EPHB1: variants seen among roughly 807,000 people sequenced by gnomAD.
EPHB1 encodes the protein EPH receptor B1.
Under a neutral mutation model 94.4 loss-of-function variants are expected in EPHB1, and 30 were observed. The observed-to-expected ratio is 0.32, with a 90% confidence interval of 0.24 to 0.43. The LOEUF (loss-of-function observed/expected upper bound fraction) is 0.43. Ranked by LOEUF, EPHB1 falls within the 20% of genes least tolerant of loss-of-function variation. The probability of loss-of-function intolerance (pLI) is 1.00; values close to 1 mark genes in which losing one functional copy is unlikely to be tolerated. For synonymous variants in EPHB1, 522 were observed against 489.1 expected, an observed-to-expected ratio of 1.07 and a Z score of -0.89; for missense variants, 1,055 against 1,308.3, an observed-to-expected ratio of 0.81 and a Z score of 2.99.
At chr3:135,137,703 C>T (rs761740178) in intron 5 of EPHB1, among the ~76,000 whole-genome samples, 14 of 152,130 alleles carry the variant, frequency 9.2e-5, no homozygotes, top group Non-Finnish European at 1.6e-4. Context: ...TAGGGACAAG[C>T]AAATGAGAGA....
rs372088079 is a variant in EPHB1 at position 134,939,426 on chromosome 3, G to A, written c.124-11945G>A. On this transcript the variant is annotated intron_variant, in intron 2 of 15. Coordinates refer to ENST00000398015, the MANE Select transcript of EPHB1 (RefSeq NM_004441.5). The stretch of plus-strand genomic sequence containing the variant: ...CCTCTCAGCCCAGCACATCTGGGAC[G>A]TAAATCAAGCATATTGGAAGGTAAG... Among the ~76,000 whole-genome samples, 111 of 152,248 alleles carry A rather than the reference G, an allele frequency of 7.3e-4. 2 individuals carry two copies. In the South Asian group the frequency reaches 0.02, roughly 28 times the overall value.
Position 135,259,115 on chromosome 3 carries a change from G to C in EPHB1, c.2950G>C (p.Ala984Pro). ...VQISQSPTAMA is the reference protein window; with the variant it reads ...VQISQSPTAMP ...GATAAGTCAGTCACCAACGGCAATG[G>C]CATGAGAACTCTTGTTTCTTGGGGA... The change falls in exon 16 of 16, where the codon GCA (alanine) becomes CCA (proline). Residue 984 changes from alanine (A) to proline (P), a missense_variant. Coordinates refer to ENST00000398015, the MANE Select transcript of EPHB1 (RefSeq NM_004441.5). 1.2e-6 allele frequency: 2 copies of C among 1,605,940 alleles called. No individual in the cohort carries two copies. The highest frequency in any genetic ancestry group is 1.7e-6 in the Non-Finnish European group (2 of 1,176,034).
chr3:135,135,326 G>A (rs761156310), intron 5 of EPHB1, among the ~76,000 whole-genome samples: 20 of 152,122 alleles, frequency 1.3e-4, no homozygotes, highest in Non-Finnish European at 1.9e-4. Context: ...GGGTGCCATC[G>A]CACTGATTTG....
At chr3:135,217,572 A>C (rs1435887321) in intron 12 of EPHB1, among the ~76,000 whole-genome samples, 1 of 152,164 alleles carries the variant, frequency 6.6e-6, no homozygotes, top group East Asian at 1.9e-4. Context: ...AGCGATGTAC[A>C]CACAGAACTA....
At chr3:135,031,868 G>A (rs967761145) in intron 3 of EPHB1, among the ~76,000 whole-genome samples, 2 of 151,966 alleles carry the variant, frequency 1.3e-5, no homozygotes, top group Non-Finnish European at 2.9e-5. Context: ...GGCTGGGTAT[G>A]ATGTCTAAGT....
chr3:135,030,327 G>C (rs1936387052), intron 3 of EPHB1, among the ~76,000 whole-genome samples: 2 of 152,160 alleles, frequency 1.3e-5, no homozygotes, highest in South Asian at 4.1e-4. Flanking sequence ...CATTTTTTCT[G>C]TTCTGTTTTT....
At chr3:135,013,693 A>G (rs1935695419) in intron 3 of EPHB1, among the ~76,000 whole-genome samples, 1 of 152,246 alleles carries the variant, frequency 6.6e-6, no homozygotes, top group South Asian at 2.1e-4. Flanking sequence ...TCTTATTTCC[A>G]AATATATTCC....
intron 10 of EPHB1, among the ~76,000 whole-genome samples, chr3:135,184,227 G>A (rs1254779505): frequency 6.6e-6 from 1 of 152,166 alleles, no homozygotes; most frequent in Non-Finnish European, 1.5e-5. Context: ...GGAGAGTAAG[G>A]CTGCCTGGCA....
chr3:135,166,107 G>C, intron 8 of EPHB1, 31 bp downstream of exon 8: 1 of 1,568,940 alleles, frequency 6.4e-7, no homozygotes, highest in South Asian at 1.1e-5. Flanking sequence ...TGCTCTCCTT[G>C]GACCCAGGAA....
chr3:134,848,765 G>A (rs1197762814), intron 1 of EPHB1, among the ~76,000 whole-genome samples: 2 of 152,178 alleles, frequency 1.3e-5, no homozygotes, highest in Non-Finnish European at 2.9e-5. Flanking sequence ...GATCCGGTAG[G>A]GGGAGGGTTT....
At chr3:135,171,444 G>A (rs1016141898) in intron 9 of EPHB1, among the ~76,000 whole-genome samples, 3 of 152,082 alleles carry the variant, frequency 2.0e-5, no homozygotes, top group East Asian at 1.9e-4. Flanking sequence ...CATGACTCAG[G>A]TGCAAGCATA....
chr3:135,219,550 A>C (rs1034632701), intron 12 of EPHB1, among the ~76,000 whole-genome samples: 22 of 152,130 alleles, frequency 1.4e-4, no homozygotes, highest in Admixed American at 3.3e-4. Flanking sequence ...TGGAGGTTTC[A>C]GAGAGAGAAT....
At chr3:134,856,364 C>T (rs2037117680) in intron 1 of EPHB1, among the ~76,000 whole-genome samples, 1 of 152,194 alleles carries the variant, frequency 6.6e-6, no homozygotes, top group Non-Finnish European at 1.5e-5. Flanking sequence ...CAGGAGCTGA[C>T]AGCCACATTT....
At chr3:135,094,599 A>T (rs1370881667) in intron 3 of EPHB1, among the ~76,000 whole-genome samples, 1 of 152,186 alleles carries the variant, frequency 6.6e-6, no homozygotes, top group African/African-American at 2.4e-5. Context: ...AAGAAAGGCA[A>T]GCACCTTCTC....
At chr3:134,835,297 A>G (rs1013312484) in intron 1 of EPHB1, among the ~76,000 whole-genome samples, 5 of 152,226 alleles carry the variant, frequency 3.3e-5, no homozygotes, top group African/African-American at 9.6e-5. Flanking sequence ...CTGGAGTCAG[A>G]ACACTGGAGA....
At chr3:134,971,437 G>A (rs1426107723) in intron 3 of EPHB1, among the ~76,000 whole-genome samples, 1 of 152,208 alleles carries the variant, frequency 6.6e-6, no homozygotes, top group Non-Finnish European at 1.5e-5. Flanking sequence ...ATTTATAGGA[G>A]GAGCTTAGGG....
At chr3:134,997,719 T>G (rs1935041508) in intron 3 of EPHB1, among the ~76,000 whole-genome samples, 1 of 152,258 alleles carries the variant, frequency 6.6e-6, no homozygotes, top group Admixed American at 6.5e-5. Flanking sequence ...TCCTCTCTTG[T>G]GACTTTCTCT....
rs112733749 is a variant in EPHB1 at position 135,235,382 on chromosome 3, C to T, written c.2347-5766C>T. ...TGTTAGGAATGCAAATTCTCAGGCC[C>T]TACCCCAGAACTAGTAAATTTTAAA... On this transcript the variant is annotated intron_variant, in intron 12 of 15. Coordinates refer to ENST00000398015, the MANE Select transcript of EPHB1 (RefSeq NM_004441.5). Among the ~76,000 whole-genome samples, 1,212 of 152,284 alleles carry T rather than the reference C, an allele frequency of 8.0e-3. 8 individuals are homozygous for T. The highest frequency in any genetic ancestry group is 0.027 in the African/African-American group (1,117 of 41,544).
chr3:135,096,813 C>T (rs887759809), intron 3 of EPHB1, among the ~76,000 whole-genome samples: 5 of 152,172 alleles, frequency 3.3e-5, no homozygotes, highest in Admixed American at 6.5e-5. Flanking sequence ...GTATCATATT[C>T]GGGGCCAGGC....
Sources: allele counts gnomAD v4.1 joint callset (sites outside exome capture counted in the v4.1 genomes callset), GRCh38; gene constraint gnomAD v4.1.1; transcripts MANE v1.5; gene names NCBI Gene and HGNC (gene_info 2026-07-23, HGNC 2026-07-21).